The following LAMA2 variants were observed in gnomAD, a reference collection of about 807,000 sequenced individuals.
LAMA2 encodes the protein laminin subunit alpha 2.
Under a neutral mutation model 364.8 loss-of-function variants are expected in LAMA2, and 269 were observed. The observed-to-expected ratio is 0.74, with a 90% CI of 0.67 to 0.82. The LOEUF (loss-of-function observed/expected upper bound fraction) is 0.82. Ranked by LOEUF, LAMA2 falls within the 40% of genes least tolerant of loss-of-function variation. LAMA2 has a pLI of 0.00. For synonymous variants in LAMA2, 1,379 were observed against 1,370.6 expected (o/e 1.01, Z -0.14); for missense variants, 3,807 against 3,873.2 (o/e 0.98, Z 0.45).
intron 58 of LAMA2, among the ~76,000 whole-genome samples, chr6:129,493,057 A>G (rs1269651024): frequency 1.3e-5 from 2 of 152,160 alleles, no homozygotes; most frequent in Non-Finnish European, 2.9e-5. Context: ...CAGTAGGCTG[A>G]GGCAGGAGAA....
intron 41 of LAMA2, among the ~76,000 whole-genome samples, chr6:129,430,533 A>G (rs530921563): frequency 2.0e-5 from 3 of 152,342 alleles, no homozygotes; most frequent in South Asian, 2.1e-4. Context: ...GCCTGTCTAC[A>G]TTGCACTGAT....
chr6:129,099,266 T>C (rs1775377184), intron 4 of LAMA2, among the ~76,000 whole-genome samples: 1 of 151,958 alleles, frequency 6.6e-6, no homozygotes, highest in South Asian at 2.1e-4. Flanking sequence ...ATTAAATGCA[T>C]TATTGTATTT....
intron 64 of LAMA2, among the ~76,000 whole-genome samples, chr6:129,515,662 G>A (rs1436056441): frequency 1.3e-5 from 2 of 152,140 alleles, no homozygotes; most frequent in Non-Finnish European, 2.9e-5. Flanking sequence ...TTGATCAATT[G>A]CTTTGTTTCA....
intron 1 of LAMA2, among the ~76,000 whole-genome samples, chr6:128,997,756 T>C (rs567801106): frequency 1.4e-3 from 218 of 152,068 alleles, no homozygotes; most frequent in Non-Finnish European, 2.4e-3. Flanking sequence ...GATTGCACCA[T>C]TGCACTCCAG....
intron 40 of LAMA2, 61 bp downstream of exon 40, chr6:129,404,020 G>C: frequency 6.3e-7 from 1 of 1,580,388 alleles, no homozygotes; most frequent in Non-Finnish European, 8.7e-7. Context: ...TTTTTCAAAT[G>C]TAAGTCAGTC....
intron 1 of LAMA2, among the ~76,000 whole-genome samples, chr6:128,959,067 T>C (rs79570464): frequency 0.011 from 1,618 of 152,330 alleles, 13 homozygotes; most frequent in Non-Finnish European, 0.018. Flanking sequence ...AGCTCTGTGG[T>C]GCACTGTGTC....
At chr6:129,221,558 G>A (rs1368327127) in intron 12 of LAMA2, among the ~76,000 whole-genome samples, 1 of 151,824 alleles carries the variant, frequency 6.6e-6, no homozygotes, top group African/African-American at 2.4e-5. Flanking sequence ...AAGAGATAAT[G>A]GATATCTCTT....
chr6:129,310,966 T>C (rs1370137910), intron 22 of LAMA2, among the ~76,000 whole-genome samples: 3 of 152,066 alleles, frequency 2.0e-5, no homozygotes, highest in Non-Finnish European at 4.4e-5. Flanking sequence ...GCTGGGCTAC[T>C]GAGAAGCCGA....
Position 129,481,599 on chromosome 6 carries a change from A to G in LAMA2, c.7749+160A>G, listed in dbSNP as rs2571582. Among the ~76,000 whole-genome samples, 52,415 of 152,048 alleles carry G rather than the reference A, an allele frequency of 0.34. 10,191 individuals carry two copies. Among genetic ancestry groups the G allele is most frequent in the African/African-American group, 0.54 (22,287 of 41,458 alleles). On this transcript the variant is annotated intron_variant, in intron 55 of 64. Transcript: ENST00000421865. ...TCCATGCTGGCCTCCTATTTCACTC[A>G]CATCATCTCCCCAGGACAATTGTCT...
rs113783210 is a variant in LAMA2, at chr6:129,437,883, G to A, written c.5969-763G>A. On this transcript the variant is annotated intron_variant, in intron 41 of 64. Coordinates refer to ENST00000421865, the MANE Select transcript of LAMA2 (RefSeq NM_000426.4). ...TTTTACTCTTTATATTGTTGTACTC[G>A]AATTTAAACTGCTTAGTTACTATTA... 4.7e-4 allele frequency among the ~76,000 whole-genome samples: 72 copies of A among 151,624 alleles called. 1 individual carries two copies. The highest frequency in any genetic ancestry group is 1.6e-3 in the African/African-American group (68 of 41,422).
intron 8 of LAMA2, among the ~76,000 whole-genome samples, chr6:129,162,238 T>C (rs1440377102): frequency 2.6e-5 from 4 of 152,346 alleles, no homozygotes; most frequent in Admixed American, 2.0e-4. Context: ...TATAGTGATA[T>C]AGTCCTATCT....
chr6:128,911,466 G>A (rs990979019), intron 1 of LAMA2, among the ~76,000 whole-genome samples: 38 of 152,062 alleles, frequency 2.5e-4, no homozygotes, highest in Admixed American at 1.6e-3. Context: ...TGCGCTTCCC[G>A]AGTGAGGCAA....
intron 48 of LAMA2, among the ~76,000 whole-genome samples, chr6:129,459,102 C>T (rs1353884467): frequency 6.6e-6 from 1 of 151,870 alleles, no homozygotes; most frequent in Non-Finnish European, 1.5e-5. Context: ...AGTACTTGCA[C>T]AAATCTAGAT....
chr6:129,024,357 A>G lies in LAMA2; in HGVS notation c.113-25561A>G, dbSNP rs117938315. Among the ~76,000 whole-genome samples the G allele has an allele frequency of 6.0e-3, 887 of 148,566 alleles. 23 individuals are homozygous for G. Among genetic ancestry groups the G allele is most frequent in the East Asian group, 0.036 (181 of 4,998 alleles). On this transcript the variant is annotated intron_variant, in intron 1 of 64. Transcript: ENST00000421865. The stretch of plus-strand genomic sequence containing the variant: ...GGAACATATTCAACCCAATCACTGT[A>G]CAGCTGTAGCTTTTTCTTTTCTTTC...
At chr6:129,115,638 A>G (rs1017831514) in intron 4 of LAMA2, among the ~76,000 whole-genome samples, 6 of 152,050 alleles carry the variant, frequency 3.9e-5, no homozygotes, top group Admixed American at 1.3e-4. Flanking sequence ...CATGGCAGAA[A>G]TGGTTGAGAT....
chr6:129,286,340 T>C (rs1204056924), intron 18 of LAMA2, among the ~76,000 whole-genome samples: 1 of 151,310 alleles, frequency 6.6e-6, no homozygotes, highest in Admixed American at 6.7e-5. Context: ...TGGCTTAGTA[T>C]AAAGTGTGAG....
At position 129,456,499 on chromosome 6, in the gene LAMA2, T is replaced by C. The variant is rs1007213096; in HGVS notation, c.6867+5T>C. On this transcript the variant is annotated splice_donor_5th_base_variant and intron_variant, in intron 48 of 64. Coordinates refer to ENST00000421865, the MANE Select transcript of LAMA2 (RefSeq NM_000426.4). The stretch of plus-strand genomic sequence containing the variant: ...GGCCTGACTGGGAAATTAAAGGTAA[T>C]GTGTTCATCCTCCTCCTGTTTATTT... 31 of 1,611,430 alleles carry C rather than the reference T, an allele frequency of 1.9e-5. No homozygotes were observed. Among genetic ancestry groups the C allele is most frequent in the African/African-American group, 2.7e-5 (2 of 74,818 alleles).
intron 4 of LAMA2, among the ~76,000 whole-genome samples, chr6:129,099,523 T>C (rs1385579069): frequency 1.3e-5 from 2 of 152,170 alleles, no homozygotes; most frequent in African/African-American, 2.4e-5. Context: ...TAATTATGTA[T>C]ATCTCCATTG....
At chr6:129,195,769 A>C (rs2115041425) in intron 12 of LAMA2, among the ~76,000 whole-genome samples, 1 of 152,316 alleles carries the variant, frequency 6.6e-6, no homozygotes, top group South Asian at 2.1e-4. Context: ...CAGCAGTGGA[A>C]AGAGCTAGAG....
Sources: gnomAD v4.1 joint callset for allele counts (sites outside exome capture counted in the v4.1 genomes callset) on GRCh38, gnomAD v4.1.1 for gene constraint, MANE v1.5 for transcripts, NCBI Gene and HGNC (gene_info 2026-07-23, HGNC 2026-07-21) for gene names.